The following PTPRN2 variants were observed in gnomAD, a reference collection of about 807,000 sequenced individuals.
The protein encoded by PTPRN2 is protein tyrosine phosphatase receptor type N2.
A neutral mutation model predicts 118.8 loss-of-function variants in PTPRN2; 74 were observed. The ratio of observed to expected loss-of-function variants is 0.62; its 90% confidence interval spans 0.52 to 0.76. The LOEUF (loss-of-function observed/expected upper bound fraction) is 0.76. Ranked by LOEUF, PTPRN2 falls within the 30% of genes least tolerant of loss-of-function variation. The probability of loss-of-function intolerance (pLI) is 0.00; values close to 1 mark genes in which losing one functional copy is unlikely to be tolerated. For synonymous variants in PTPRN2, 641 were observed against 608.0 expected (o/e 1.05, Z -0.80); for missense variants, 1,481 against 1,394.4 (o/e 1.06, Z -0.99).
chr7:157,604,148 A>G, intron 15 of PTPRN2, 73 bp from the exon 16 acceptor site: 1 of 1,392,724 alleles, frequency 7.2e-7, no homozygotes. Context: ...CTTGGCCTCC[A>G]GGGCCCCCCA....
chr7:157,659,814 G>A (rs1174887436), intron 13 of PTPRN2, among the ~76,000 whole-genome samples: 6 of 151,930 alleles, frequency 3.9e-5, no homozygotes, highest in Admixed American at 6.6e-5. Context: ...GCACGATCTC[G>A]GCTCACTGCA....
intron 11 of PTPRN2, among the ~76,000 whole-genome samples, chr7:157,942,735 T>C (rs1800226599): frequency 6.6e-6 from 1 of 152,140 alleles, no homozygotes; most frequent in Admixed American, 6.5e-5. Context: ...CACGGAGAAC[T>C]GCCCCCACCT....
At chr7:157,772,266 C>A (rs1802901489) in intron 12 of PTPRN2, among the ~76,000 whole-genome samples, 1 of 136,380 alleles carries the variant, frequency 7.3e-6, no homozygotes, top group East Asian at 2.0e-4. Flanking sequence ...CACAGACACC[C>A]ATACAGACAT....
At chr7:158,189,481 G>T (rs557145918) in intron 5 of PTPRN2, among the ~76,000 whole-genome samples, 1 of 152,282 alleles carries the variant, frequency 6.6e-6, no homozygotes, top group South Asian at 2.1e-4. Context: ...AGCCTCCAAG[G>T]CTACGCTCCT....
intron 12 of PTPRN2, among the ~76,000 whole-genome samples, chr7:157,809,462 C>T (rs1319314727): frequency 6.6e-6 from 1 of 152,220 alleles, no homozygotes. Flanking sequence ...GAGATGACAC[C>T]AAGGCACTGT....
intron 1 of PTPRN2, among the ~76,000 whole-genome samples, chr7:158,552,220 T>A (rs73730406): frequency 0.023 from 3,452 of 151,730 alleles, 119 homozygotes; most frequent in African/African-American, 0.078. Flanking sequence ...TTCTAATGCA[T>A]GCATTTGGGG....
intron 1 of PTPRN2, chr7:158,541,614 T>G (rs1206813212): frequency 7.4e-7 from 1 of 1,350,936 alleles, no homozygotes; most frequent in East Asian, 4.6e-5. Flanking sequence ...CATCTGGCTG[T>G]CATTTCACAA....
In PTPRN2 at chr7:157,779,046, G is replaced by C. The variant is rs1026590101; in HGVS notation, c.1789-96109C>G. Reference sequence around the variant, plus strand: ...ACAGCCAGGTGGCCGTGTTCTCTGAGGGGTTGTGCCGGGGTCTTCAGACAG... The same window carrying C: ...ACAGCCAGGTGGCCGTGTTCTCTGACGGGTTGTGCCGGGGTCTTCAGACAG... On this transcript the variant is annotated intron_variant, in intron 12 of 22. Transcript: ENST00000389418. This position sits in a 1 kb window ranked among gnomAD's most constrained non-coding sequence, Gnocchi z 4.7. Among the ~76,000 whole-genome samples, 1 of 152,254 alleles carries C rather than the reference G, an allele frequency of 6.6e-6. No individual in the cohort carries two copies. Among genetic ancestry groups the C allele is most frequent in the Non-Finnish European group, 1.5e-5 (1 of 68,042 alleles).
At chr7:158,256,318 G>A (rs530700648) in intron 3 of PTPRN2, among the ~76,000 whole-genome samples, 9 of 143,536 alleles carry the variant, frequency 6.3e-5, no homozygotes, top group East Asian at 1.9e-4. Flanking sequence ...CAGGGACCCC[G>A]CGGCTGCCTC....
intron 12 of PTPRN2, among the ~76,000 whole-genome samples, chr7:157,683,362 G>A (rs922598127): frequency 2.0e-5 from 3 of 152,182 alleles, no homozygotes; most frequent in Non-Finnish European, 2.9e-5. Context: ...GGGCAGGCCC[G>A]GAGCCTTCTG....
chr7:158,481,421 C>G (rs1241804283), intron 2 of PTPRN2, among the ~76,000 whole-genome samples: 2 of 152,242 alleles, frequency 1.3e-5, no homozygotes, highest in East Asian at 3.8e-4. Flanking sequence ...GACACCTCGT[C>G]CATTCTGCAG....
chr7:158,010,156 G>A (rs1805939084), intron 11 of PTPRN2, among the ~76,000 whole-genome samples: 1 of 152,164 alleles, frequency 6.6e-6, no homozygotes, highest in Non-Finnish European at 1.5e-5. Flanking sequence ...CCCTCAGCAA[G>A]CTCAGCACAA....
intron 2 of PTPRN2, among the ~76,000 whole-genome samples, chr7:158,455,218 C>T (rs568915101): frequency 1.1e-4 from 17 of 152,048 alleles, no homozygotes; most frequent in African/African-American, 1.9e-4. Flanking sequence ...CCATCGGCCA[C>T]GGCCACCCAT....
intron 11 of PTPRN2, among the ~76,000 whole-genome samples, chr7:158,023,843 C>T (rs564673584): frequency 9.9e-5 from 15 of 151,892 alleles, no homozygotes; most frequent in South Asian, 2.1e-4. Flanking sequence ...GGCACACACA[C>T]GTGCAGGCAA....
rs140647930 is a variant in PTPRN2, at chr7:158,137,863, G to T, written c.1132+431C>A. Among the ~76,000 whole-genome samples the T allele has an allele frequency of 5.3e-5, 8 of 152,264 alleles. No individual in the cohort carries two copies. In the South Asian group the frequency reaches 1.7e-3, roughly 32 times the overall value. On this transcript the variant is annotated intron_variant, in intron 7 of 22. Coordinates refer to ENST00000389418, the MANE Select transcript of PTPRN2 (RefSeq NM_002847.5). ...CTCCACAGGGCTCCGGATGCCTGCCGGGGTAGTGGTGCTGAGGGGCTGCCT... is the reference window on the plus strand; with the variant it reads ...CTCCACAGGGCTCCGGATGCCTGCCTGGGTAGTGGTGCTGAGGGGCTGCCT...
At chr7:158,173,213 A>T (rs568530944) in intron 5 of PTPRN2, among the ~76,000 whole-genome samples, 1 of 152,162 alleles carries the variant, frequency 6.6e-6, no homozygotes, top group Non-Finnish European at 1.5e-5. Context: ...CAATAGCAGC[A>T]TCCCCACCAT....
intron 11 of PTPRN2, among the ~76,000 whole-genome samples, chr7:157,918,531 C>G (rs56041188): frequency 0.13 from 20,520 of 152,178 alleles, 1,623 homozygotes; most frequent in Non-Finnish European, 0.17. Flanking sequence ...TCACTCGCAT[C>G]AAACTACTCA....
At position 157,875,300 on chromosome 7, in the gene PTPRN2, G is replaced by A. The variant is rs148658760; in HGVS notation, c.1788+23373C>T. Among the ~76,000 whole-genome samples the A allele has an allele frequency of 9.2e-4, 140 of 152,346 alleles. 1 individual carries two copies. The highest frequency in any genetic ancestry group is 2.9e-3 in the African/African-American group (122 of 41,578). The stretch of plus-strand genomic sequence containing the variant: ...TCTTCAAACAAGAGAAAGCTGGGGA[G>A]TTTCCAGGCGTTCCGTGAGAGCCGA... On this transcript the variant is annotated intron_variant, in intron 12 of 22. Coordinates refer to ENST00000389418, the MANE Select transcript of PTPRN2 (RefSeq NM_002847.5).
chr7:158,337,524 G>C (rs6973459), intron 2 of PTPRN2, among the ~76,000 whole-genome samples: 24 of 140,888 alleles, frequency 1.7e-4, no homozygotes, highest in African/African-American at 7.2e-4. Flanking sequence ...CTCACCATAA[G>C]AGGTGACACC....
Sources: allele counts gnomAD v4.1 joint callset (sites outside exome capture counted in the v4.1 genomes callset), GRCh38; gene constraint gnomAD v4.1.1; non-coding constraint Gnocchi (gnomAD v3.1); transcripts MANE v1.5; gene names NCBI Gene and HGNC (gene_info 2026-07-23, HGNC 2026-07-21).